The following FAAP20 variants were observed in gnomAD, a reference collection of about 807,000 sequenced individuals.
FAAP20 encodes FA core complex associated protein 20.
A neutral mutation model predicts 16.2 loss-of-function variants in FAAP20; 12 were observed. The ratio of observed to expected loss-of-function variants is 0.74; its 90% CI spans 0.48 to 1.20. FAAP20 has a LOEUF of 1.20. Ranked by LOEUF, FAAP20 falls within the 50% of genes most tolerant of loss-of-function variation. FAAP20 has a pLI of 0.00. For synonymous variants in FAAP20, 141 were observed against 110.7 expected, an observed-to-expected ratio of 1.27 and a Z score of -1.72; for missense variants, 288 against 245.8, an observed-to-expected ratio of 1.17 and a Z score of -1.15.
chr1:2,197,394 A>T (rs1688867953), upstream of FAAP20, among the ~76,000 whole-genome samples: 1 of 152,204 alleles, frequency 6.6e-6, no homozygotes, highest in South Asian at 2.1e-4. Flanking sequence ...GACCCGGGAC[A>T]CCTGCGCTGC....
upstream of FAAP20, chr1:2,201,070 C>T (rs1689029844): frequency 2.3e-6 from 3 of 1,289,476 alleles, no homozygotes; most frequent in Non-Finnish European, 3.0e-6. Flanking sequence ...CAGGTTTCCA[C>T]TTGTCATAGG....
At chr1:2,204,319 G>A (rs1689156203), upstream of FAAP20, among the ~76,000 whole-genome samples, 2 of 152,270 alleles carry the variant, frequency 1.3e-5, no homozygotes, top group Non-Finnish European at 2.9e-5. Flanking sequence ...GAATGGAGGT[G>A]CACGCATAGA....
At position 2,193,778 on chromosome 1, in the gene FAAP20, G is replaced by C. The variant is rs755237245; in HGVS notation, c.331C>G (p.Leu111Val). 9 of 1,596,486 alleles carry C rather than the reference G, an allele frequency of 5.6e-6. No homozygotes were observed. Among genetic ancestry groups the C allele is most frequent in the Non-Finnish European group, 7.7e-6 (9 of 1,175,022 alleles). Residue 111 changes from leucine to valine, a missense_variant, in exon 3 of 4, where the codon CTG (leucine) becomes GTG (valine). Transcript: ENST00000378546. ...YRLLHGAGGH[L>V]ESPARSLPQR... ...GGCAGGGACCTGGCGGGGGATTCCA[G>C]GTGCCCTCCTGCCCCGTGAAGCAGC...
downstream of FAAP20, among the ~76,000 whole-genome samples, chr1:2,188,019 C>A (rs1377112887): frequency 6.6e-6 from 1 of 152,234 alleles, no homozygotes; most frequent in Non-Finnish European, 1.5e-5. Context: ...TTTTCTTTCC[C>A]TTAGTGATCT....
At chr1:2,198,967 G>A (rs981334011), upstream of FAAP20, 2 of 1,288,570 alleles carry the variant, frequency 1.6e-6, no homozygotes, top group African/African-American at 1.5e-5. Flanking sequence ...GGGCAGCAGA[G>A]CAGGTGCTCG....
chr1:2,185,483 G>A (rs559779337), downstream of FAAP20: 20 of 718,294 alleles, frequency 2.8e-5, no homozygotes, highest in African/African-American at 2.1e-4. Context: ...AGGAGCCAGC[G>A]GGACACAGGT....
upstream of FAAP20, chr1:2,194,818 G>A (rs1352353096): frequency 2.8e-6 from 2 of 720,164 alleles, no homozygotes; most frequent in East Asian, 2.3e-4. Context: ...CCCCCGCCCC[G>A]GCCCCGCCTC....
At chr1:2,194,914 G>A (rs533977363), upstream of FAAP20, 260 of 624,794 alleles carry the variant, frequency 4.2e-4, no homozygotes, top group Middle Eastern at 2.8e-3. Flanking sequence ...ACTGAGGCCA[G>A]GGTTCCTTCG....
In FAAP20 at chr1:2,193,321, T is replaced by C. The variant is rs1157761397; in HGVS notation, c.470+318A>G. On this transcript the variant is annotated intron_variant, in intron 3 of 3. Coordinates refer to ENST00000378546, the MANE Select transcript of FAAP20 (RefSeq NM_182533.4). The stretch of plus-strand genomic sequence containing the variant: ...CACTCTCGGGAAGGTGTTCCTGTGC[T>C]CTGGGCCTGGGGACGCTGGTGCCAC... 9.6e-6 allele frequency: 5 copies of C among 520,192 alleles called. No individual in the cohort carries two copies. The African/African-American group carries it at 9.6e-5, about 10-fold the overall frequency. 32.2% of individuals were successfully genotyped at this position (520,192 alleles called of 1,614,324 possible). A position where few individuals can be genotyped will look rare whatever the true frequency, so the allele number is the denominator to read the frequency against.
At chr1:2,188,304 C>G (rs1687792330), downstream of FAAP20, among the ~76,000 whole-genome samples, 2 of 152,188 alleles carry the variant, frequency 1.3e-5, no homozygotes, top group African/African-American at 4.8e-5. Context: ...AACCAGATGC[C>G]CACTGCTGCT....
chr1:2,200,798 C>T (rs112541894), upstream of FAAP20: 9 of 1,010,922 alleles, frequency 8.9e-6, no homozygotes, highest in Middle Eastern at 5.0e-4. Flanking sequence ...CCCCCATGGG[C>T]CAAGAGCTGG....
chr1:2,208,527 G>A (rs909771021), downstream of FAAP20, among the ~76,000 whole-genome samples: 8 of 152,230 alleles, frequency 5.3e-5, no homozygotes, highest in African/African-American at 1.9e-4. Flanking sequence ...AAGGTGCTGG[G>A]AGGGGGTGAG....
At position 2,193,677 on chromosome 1, in the gene FAAP20, C is replaced by T. The variant is rs1399946226; in HGVS notation, c.432G>A (p.Leu144=). 1 of 1,601,006 alleles carries T rather than the reference C, an allele frequency of 6.2e-7. No individual in the cohort carries two copies. Among genetic ancestry groups the T allele is most frequent in the Non-Finnish European group, 8.5e-7 (1 of 1,176,360 alleles). ...QQPSVEGAAA[L]RSCPMCQKEF... ...CCTTCTGGCACATGGGGCAGCTGCG[C>T]AGGGCCGCGGCACCCTCCACAGACG... The change falls in exon 3 of 4, where the codon CTG becomes CTA. Residue 144 remains leucine, a synonymous_variant. Transcript: ENST00000378546.
downstream of FAAP20, among the ~76,000 whole-genome samples, chr1:2,211,961 A>G (rs540329105): frequency 5.0e-4 from 68 of 134,822 alleles, 1 homozygote; most frequent in South Asian, 1.4e-3. Context: ...GGAGTGCAGT[A>G]GTGTGATCTC....
upstream of FAAP20, chr1:2,194,876 A>C (rs1572122370): frequency 2.5e-6 from 2 of 805,658 alleles, no homozygotes; most frequent in Non-Finnish European, 3.0e-6. Context: ...TCGGAACCCC[A>C]GGGGCCCTGA....
At position 2,189,645 on chromosome 1, in the gene FAAP20, G is replaced by A; in HGVS notation, c.*64C>T. The A allele has an allele frequency of 7.2e-7, 1 of 1,391,306 alleles. No individual in the cohort carries two copies. The highest frequency in any genetic ancestry group is 1.0e-6 in the Non-Finnish European group (1 of 989,736). The allele number at this position is 1,391,306 out of a possible 1,614,324, so 86.2% of individuals were successfully genotyped here. ...GCTGCTGGCGGGGGAGCCGAGAGGC[G>A]GGGCTGCTGGCGGGGGAGAGCGTGT... On this transcript the variant is annotated 3_prime_UTR_variant, in exon 4 of 4. Transcript: ENST00000378546.
downstream of FAAP20, among the ~76,000 whole-genome samples, chr1:2,188,724 G>A (rs1369530586): frequency 2.0e-5 from 3 of 152,162 alleles, no homozygotes; most frequent in Admixed American, 6.5e-5. Context: ...CACCACCGAT[G>A]GTGGAGCGCG....
At chr1:2,197,662 G>A (rs1469152956), upstream of FAAP20, among the ~76,000 whole-genome samples, 8 of 152,256 alleles carry the variant, frequency 5.3e-5, no homozygotes, top group East Asian at 9.6e-4. Flanking sequence ...CTTTGGGGAC[G>A]CAGAGGCAGC....
chr1:2,185,987 G>A (rs751351026), downstream of FAAP20: 6 of 389,562 alleles, frequency 1.5e-5, no homozygotes, highest in South Asian at 7.4e-5. Context: ...ACACACCCGC[G>A]CTCTCCGTCC....
Sources: gnomAD v4.1 joint callset for allele counts (sites outside exome capture counted in the v4.1 genomes callset) on GRCh38, gnomAD v4.1.1 for gene constraint, MANE v1.5 for transcripts, NCBI Gene and HGNC (gene_info 2026-07-23, HGNC 2026-07-21) for gene names.